The following CAMK2A variants were observed in gnomAD, a reference collection of about 807,000 sequenced individuals.
The protein encoded by CAMK2A is calcium/calmodulin-dependent protein kinase type II subunit alpha.
In CAMK2A, 7 loss-of-function variants were observed where a neutral mutation model predicts 79.2. That is an observed-to-expected ratio of 0.09 (90% CI 0.05 to 0.17). The LOEUF is 0.17. CAMK2A is among the 10% of genes least tolerant of loss of function. The pLI is 1.00. For missense variants in CAMK2A, 214 were observed against 646.4 expected (o/e 0.33, Z 7.25); for synonymous variants, 242 against 251.7 (o/e 0.96, Z 0.36).
chr5:150,245,004 G>A (rs1223831806), intron 13 of CAMK2A, among the ~76,000 whole-genome samples, 157 bp downstream of exon 13: 1 of 152,044 alleles, frequency 6.6e-6, no homozygotes, highest in Non-Finnish European at 1.5e-5. Context: ...CCAAAGCCTA[G>A]GTCGTGGGTC....
chr5:150,222,299 G>A lies in CAMK2A; in HGVS notation c.*411C>T, dbSNP rs1446451640. The A allele has an allele frequency of 3.4e-6, 2 of 593,172 alleles. No individual in the cohort carries two copies. Among genetic ancestry groups the A allele is most frequent in the Non-Finnish European group, 6.0e-6 (2 of 331,746 alleles). The allele number at this position is 593,172 out of a possible 1,614,324, so 36.7% of individuals were successfully genotyped here. ...GGGGACACTGGAAGAGGAGAGGTCT[G>A]GGAGAGGGACGGACGGATGCTGCCT... is the stretch of plus-strand genomic sequence containing the variant. On this transcript the variant is annotated 3_prime_UTR_variant, in exon 19 of 19. Coordinates refer to ENST00000671881, the MANE Select transcript of CAMK2A (RefSeq NM_015981.4).
At chr5:150,273,909 A>G (rs1756851749) in intron 1 of CAMK2A, among the ~76,000 whole-genome samples, 1 of 152,218 alleles carries the variant, frequency 6.6e-6, no homozygotes, top group Admixed American at 6.5e-5. Context: ...TATATCTCCT[A>G]TGTATGCATG....
chr5:150,229,317 G>T (rs916970421), intron 16 of CAMK2A, among the ~76,000 whole-genome samples: 28 of 152,204 alleles, frequency 1.8e-4, no homozygotes, highest in Non-Finnish European at 1.6e-4. Flanking sequence ...AGACCAAACG[G>T]GATGCCCAGG....
At chr5:150,276,064 A>G (rs1396626294) in intron 1 of CAMK2A, among the ~76,000 whole-genome samples, 1 of 152,220 alleles carries the variant, frequency 6.6e-6, no homozygotes, top group African/African-American at 2.4e-5. Context: ...GGAAATTCCA[A>G]GGCAGTTGGG....
intron 16 of CAMK2A, among the ~76,000 whole-genome samples, chr5:150,230,317 CA>C (rs1216883745): frequency 0.097 from 5,870 of 60,776 alleles, 77 homozygotes; most frequent in East Asian, 0.34. Flanking sequence ...GACTCCGTCT[CA>C]AAAAAAAAAA....
At chr5:150,243,154 A>C (rs1755423318) in intron 13 of CAMK2A, among the ~76,000 whole-genome samples, 1 of 152,172 alleles carries the variant, frequency 6.6e-6, no homozygotes, top group Admixed American at 6.6e-5. Context: ...CCCAAGAACC[A>C]GCCTGATGGA....
At chr5:150,246,712 G>A (rs984948993) in intron 12 of CAMK2A, among the ~76,000 whole-genome samples, 2 of 152,186 alleles carry the variant, frequency 1.3e-5, no homozygotes, top group Non-Finnish European at 2.9e-5. Context: ...GAGAGGGTGG[G>A]AAGGCAGTTT....
rs1754317203 is a variant in CAMK2A at position 150,221,717 on chromosome 5, ACCACAGGTGACAAGGT to A, written c.*977_*992del. On this transcript the variant is annotated 3_prime_UTR_variant, in exon 19 of 19. Transcript: ENST00000671881. ...AGCTGAGTCCACCTTGGCCCCAATA[ACCACAGGTGACAAGGT>A]CCACCTCAGAGATGACAAAAAAAAA... 3 of 392,646 alleles carry A rather than the reference ACCACAGGTGACAAGGT, an allele frequency of 7.6e-6. No homozygotes were observed. In the Admixed American group the frequency reaches 1.3e-4, roughly 18 times the overall value. The allele number at this position is 392,646 out of a possible 1,614,324, so 24.3% of individuals were successfully genotyped here. A position where few individuals can be genotyped will look rare whatever the true frequency, so the allele number is the denominator to read the frequency against.
intron 3 of CAMK2A, among the ~76,000 whole-genome samples, chr5:150,258,177 G>A (rs879702716): frequency 6.6e-5 from 10 of 152,218 alleles, no homozygotes; most frequent in South Asian, 2.1e-4. Context: ...GGGTCCCTGC[G>A]TTCTGGCATG....
At chr5:150,242,764 AC>A (rs1007191181) in intron 13 of CAMK2A, among the ~76,000 whole-genome samples, 38 of 151,576 alleles carry the variant, frequency 2.5e-4, no homozygotes, top group Non-Finnish European at 5.9e-5. Context: ...ATGCACCTGG[AC>A]CCCCAGCTCC....
chr5:150,221,506 A>G lies in CAMK2A; in HGVS notation c.*1204T>C, dbSNP rs1411006319. Reference sequence around the variant, plus strand: ...AATCCTGGGAAGTTCGGTAGAGAAGACCCCAGTTTGCGAGGGAAGCAAAGA... The same window carrying G: ...AATCCTGGGAAGTTCGGTAGAGAAGGCCCCAGTTTGCGAGGGAAGCAAAGA... On this transcript the variant is annotated 3_prime_UTR_variant, in exon 19 of 19. Transcript: ENST00000671881. 2 of 398,194 alleles carry G rather than the reference A, an allele frequency of 5.0e-6. No individual in the cohort carries two copies. The highest frequency in any genetic ancestry group is 8.9e-6 in the Non-Finnish European group (2 of 225,972). 24.7% of individuals were successfully genotyped at this position (398,194 alleles called of 1,614,324 possible).
intron 13 of CAMK2A, among the ~76,000 whole-genome samples, chr5:150,241,233 C>T (rs1755320674): frequency 6.6e-6 from 1 of 152,188 alleles, no homozygotes; most frequent in African/African-American, 2.4e-5. Flanking sequence ...TGCTCACAGA[C>T]CCTGCATTTT....
At chr5:150,285,886 C>T (rs1349492291) in intron 1 of CAMK2A, among the ~76,000 whole-genome samples, 1 of 152,190 alleles carries the variant, frequency 6.6e-6, no homozygotes, top group Non-Finnish European at 1.5e-5. Context: ...GGGGTAGGAT[C>T]AGAAGCCCGG....
At chr5:150,244,077 G>A (rs1755459379) in intron 13 of CAMK2A, among the ~76,000 whole-genome samples, 1 of 152,200 alleles carries the variant, frequency 6.6e-6, no homozygotes, top group African/African-American at 2.4e-5. Context: ...AAGATGAGAA[G>A]GGAGAATGAT....
At chr5:150,224,857 G>A (rs1158229650) in intron 17 of CAMK2A, among the ~76,000 whole-genome samples, 1 of 31,430 alleles carries the variant, frequency 3.2e-5, no homozygotes, top group African/African-American at 1.1e-4. Context: ...AAAAAACGCA[G>A]TGGAATCTAA....
At chr5:150,249,829 T>A (rs962949754) in intron 11 of CAMK2A, among the ~76,000 whole-genome samples, 122 of 152,306 alleles carry the variant, frequency 8.0e-4, no homozygotes, top group African/African-American at 2.8e-3. Context: ...ATTACAGGCA[T>A]GAGTCACTGC....
chr5:150,280,021 C>T (rs575768810), intron 1 of CAMK2A, among the ~76,000 whole-genome samples: 15 of 152,322 alleles, frequency 9.8e-5, no homozygotes, highest in African/African-American at 3.6e-4. Context: ...AGTCCTGAGC[C>T]CTCACTCAGC....
Position 150,255,988 on chromosome 5 carries a change from C to T in CAMK2A, c.411+585G>A, listed in dbSNP as rs73268704. On this transcript the variant is annotated intron_variant, in intron 6 of 18. Transcript: ENST00000671881. Reference sequence around the variant, plus strand: ...TCCCTGCTGAAGGAGCAAGGCTGTGCAGCTGGTGCCAGTCCTAGACTCTGC... The same window carrying T: ...TCCCTGCTGAAGGAGCAAGGCTGTGTAGCTGGTGCCAGTCCTAGACTCTGC... Among the ~76,000 whole-genome samples the T allele has an allele frequency of 4.7e-3, 718 of 152,336 alleles. 6 individuals are homozygous for T. The highest frequency in any genetic ancestry group is 0.017 in the African/African-American group (696 of 41,576).
intron 1 of CAMK2A, among the ~76,000 whole-genome samples, chr5:150,286,063 A>C (rs911793487): frequency 1.3e-5 from 2 of 152,098 alleles, no homozygotes; most frequent in African/African-American, 4.8e-5. Flanking sequence ...CTCTGGCCTG[A>C]CCACTTCAGT....
Sources: allele counts gnomAD v4.1 joint callset (sites outside exome capture counted in the v4.1 genomes callset), GRCh38; gene constraint gnomAD v4.1.1; transcripts MANE v1.5; gene names NCBI Gene and HGNC (gene_info 2026-07-23, HGNC 2026-07-21).